The following COL11A1 variants were observed in gnomAD, a reference collection of about 807,000 sequenced individuals.
The protein encoded by COL11A1 is collagen type XI alpha 1 chain.
A neutral mutation model predicts 265.2 loss-of-function variants in COL11A1; 74 were observed. The ratio of observed to expected loss-of-function variants is 0.28; its 90% CI spans 0.23 to 0.34. COL11A1 has a LOEUF of 0.34. COL11A1 is among the 10% of genes least tolerant of loss of function. The pLI, the probability that COL11A1 is intolerant of heterozygous loss-of-function variation, is 1.00. For missense variants in COL11A1, 2,165 were observed against 2,263.6 expected, an observed-to-expected ratio of 0.96 and a Z score of 0.88; for synonymous variants, 816 against 727.6, an observed-to-expected ratio of 1.12 and a Z score of -1.96.
At chr1:102,922,762 G>A (rs536393857) in intron 47 of COL11A1, among the ~76,000 whole-genome samples, 116 of 152,268 alleles carry the variant, frequency 7.6e-4, no homozygotes, top group Non-Finnish European at 1.4e-3. Flanking sequence ...TCATTTCAAA[G>A]AATATAATAG....
At chr1:102,931,421 C>G (rs1308820984) in intron 46 of COL11A1, among the ~76,000 whole-genome samples, 2 of 150,866 alleles carry the variant, frequency 1.3e-5, no homozygotes, top group Admixed American at 1.3e-4. Context: ...GATTCTTAAT[C>G]CTGAGTTCTA....
chr1:102,990,894 A>T (rs1664064203), intron 28 of COL11A1, among the ~76,000 whole-genome samples: 1 of 151,888 alleles, frequency 6.6e-6, no homozygotes, highest in African/African-American at 2.4e-5. Context: ...TTAGCCAGGC[A>T]TGGTTGTGGG....
rs146997967 is a variant in COL11A1 at position 102,888,604 on chromosome 1, A to T, written c.4581T>A (p.Ser1527Arg). The change falls in exon 62 of 67, where the codon AGT becomes AGA. Residue 1527 changes from serine to arginine, a missense_variant. Physicochemically the swap from Ser to Arg is moderately radical, Grantham distance 110. Coordinates refer to ENST00000370096, the MANE Select transcript of COL11A1 (RefSeq NM_001854.4). The stretch of plus-strand genomic sequence containing the variant: ...GAGACCCAGGAGGCCCTGGAAGACC[A>T]CTGTCACCTTTCTGGCCAGCGGGTC... ...STGPAGQKGD[S>R]GLPGPPGSPG... 9 of 1,613,600 alleles carry T rather than the reference A, an allele frequency of 5.6e-6. No homozygotes were observed. Among genetic ancestry groups the T allele is most frequent in the African/African-American group, 2.7e-5 (2 of 74,920 alleles).
intron 24 of COL11A1, among the ~76,000 whole-genome samples, chr1:102,998,931 A>T (rs1664875392): frequency 6.6e-6 from 1 of 151,990 alleles, no homozygotes; most frequent in Admixed American, 6.6e-5. Context: ...AATTCAACAG[A>T]TTAATCCCTG....
chr1:102,940,361 C>G lies in COL11A1; in HGVS notation c.3350G>C (p.Gly1117Ala), dbSNP rs1464251137. ...GTCTTCCCCAGGGGAGCCGGCAGGA[C>G]CAGCTGGCCCTGGGAGACCAACAGG... ...QGPVGLPGPA[G>A]PAGSPGEDGD... is the part of the protein sequence containing the mutation. The change falls in exon 43 of 67, where the codon GGT (glycine) becomes GCT (alanine). Residue 1117 changes from glycine to alanine, a missense_variant. Gly to Ala is a moderately conservative substitution (Grantham distance 60, BLOSUM62 0). Coordinates refer to ENST00000370096, the MANE Select transcript of COL11A1 (RefSeq NM_001854.4). 1 of 1,614,010 alleles carries G rather than the reference C, an allele frequency of 6.2e-7. No homozygotes were observed. Among genetic ancestry groups the G allele is most frequent in the South Asian group, 1.1e-5 (1 of 91,080 alleles).
At position 103,099,261 on chromosome 1, in the gene COL11A1, A is replaced by G. The variant is rs2102407929; in HGVS notation, c.106+8812T>C. ...TATATTCCAAAAGAATTTTACAACT[A>G]TTGTCTATTAATCTTATTAAGCATT... On this transcript the variant is annotated intron_variant, in intron 1 of 66. Transcript: ENST00000370096. 2.0e-5 allele frequency among the ~76,000 whole-genome samples: 3 copies of G among 151,796 alleles called. No individual in the cohort carries two copies. In the South Asian group the frequency reaches 6.2e-4, roughly 31 times the overall value.
At chr1:102,920,412 A>T (rs1451245379) in intron 48 of COL11A1, 48 bp from the exon 49 acceptor site, 1 of 1,500,330 alleles carries the variant, frequency 6.7e-7, no homozygotes, top group East Asian at 2.3e-5. Flanking sequence ...TTATTAAAAT[A>T]ATGCATTCGT....
intron 36 of COL11A1, 61 bp from the exon 37 acceptor site, chr1:102,970,333 T>A (rs1420932620): frequency 1.5e-6 from 2 of 1,332,286 alleles, no homozygotes; most frequent in East Asian, 2.5e-5. Context: ...ATAGTCTAAA[T>A]GTGACATGTT....
chr1:102,946,777 A>T (rs536502974), intron 42 of COL11A1, 72 bp downstream of exon 42: 4 of 1,207,220 alleles, frequency 3.3e-6, no homozygotes, highest in African/African-American at 3.0e-5. Flanking sequence ...TGAAAAGCTA[A>T]TATTATTGAA....
At position 102,892,674 on chromosome 1, in the gene COL11A1, G is replaced by A. The variant is rs538836879; in HGVS notation, c.4303-2170C>T. ...CCAAAACTGTGAATATCAGGAAAGA[G>A]CAAGAATAGTGTTAATATAAATTAG... On this transcript the variant is annotated intron_variant, in intron 57 of 66. Transcript: ENST00000370096. 3.9e-5 allele frequency among the ~76,000 whole-genome samples: 6 copies of A among 152,234 alleles called. No homozygotes were observed. In the East Asian group the frequency reaches 5.8e-4, roughly 15 times the overall value.
chr1:102,959,172 T>C lies in COL11A1; in HGVS notation c.3168+2694A>G, dbSNP rs142053205. ...GATTTGTTTTCTTAAAACTTCAATT[T>C]GTTTACTCCACTTGTTCTGTACATT... On this transcript the variant is annotated intron_variant, in intron 41 of 66. Coordinates refer to ENST00000370096, the MANE Select transcript of COL11A1 (RefSeq NM_001854.4). Among the ~76,000 whole-genome samples the C allele has an allele frequency of 1.7e-3, 257 of 152,350 alleles. 1 individual carries two copies. Among genetic ancestry groups the C allele is most frequent in the Middle Eastern group, 0.01 (3 of 294 alleles).
chr1:102,895,289 G>T (rs192242993), intron 57 of COL11A1, among the ~76,000 whole-genome samples: 63 of 152,210 alleles, frequency 4.1e-4, no homozygotes, highest in African/African-American at 1.5e-3. Flanking sequence ...TCTAATGGAT[G>T]CTCTGTTAGA....
At chr1:103,027,961 G>A (rs1173206899) in intron 5 of COL11A1, among the ~76,000 whole-genome samples, 3 of 152,032 alleles carry the variant, frequency 2.0e-5, no homozygotes, top group Non-Finnish European at 2.9e-5. Context: ...AATAATGGAG[G>A]AAATAACATG....
intron 36 of COL11A1, among the ~76,000 whole-genome samples, chr1:102,970,869 C>T (rs1661904614): frequency 6.6e-6 from 1 of 152,036 alleles, no homozygotes. Context: ...AAAAAAGTAG[C>T]CGGGCGTGGT....
intron 54 of COL11A1, among the ~76,000 whole-genome samples, chr1:102,905,368 TATA>T (rs746949718): frequency 6.4e-5 from 9 of 140,780 alleles, no homozygotes; most frequent in Non-Finnish European, 9.2e-5. Context: ...AAACTTAAAG[TATA>T]ATAATAATAA....
chr1:102,928,591 A>G (rs1435556807), intron 46 of COL11A1, among the ~76,000 whole-genome samples: 2 of 152,086 alleles, frequency 1.3e-5, no homozygotes, highest in Admixed American at 6.5e-5. Context: ...ATGATTTCTA[A>G]TCCTTTGCAT....
At chr1:103,052,914 A>G (rs529556293) in intron 4 of COL11A1, among the ~76,000 whole-genome samples, 1 of 152,342 alleles carries the variant, frequency 6.6e-6, no homozygotes, top group East Asian at 1.9e-4. Flanking sequence ...TAATTCTAAA[A>G]CAACCTGGTA....
chr1:103,078,601 C>T, intron 3 of COL11A1, 57 bp downstream of exon 3: 1 of 1,518,640 alleles, frequency 6.6e-7, no homozygotes, highest in Non-Finnish European at 9.1e-7. Context: ...TGTTAAGTGA[C>T]TGAATAAAAA....
At chr1:102,890,545 G>A (rs1367870946) in intron 57 of COL11A1, 41 bp from the exon 58 acceptor site, 21 of 1,543,266 alleles carry the variant, frequency 1.4e-5, no homozygotes, top group Non-Finnish European at 1.8e-5. Flanking sequence ...CAAAAACAGA[G>A]TAGGTATGAA....
Sources: gnomAD v4.1 joint callset for allele counts (sites outside exome capture counted in the v4.1 genomes callset) on GRCh38, gnomAD v4.1.1 for gene constraint, MANE v1.5 for transcripts, NCBI Gene and HGNC (gene_info 2026-07-23, HGNC 2026-07-21) for gene names.